The following GPATCH8 variants were observed in gnomAD, a reference collection of about 807,000 sequenced individuals.
The protein encoded by GPATCH8 is G patch domain-containing protein 8.
GPATCH8 carries 18 observed loss-of-function variants against 118.3 expected under a neutral mutation model. That is an observed-to-expected ratio of 0.15 (90% CI 0.11 to 0.23). The LOEUF (loss-of-function observed/expected upper bound fraction) is 0.23, where lower values mean the gene tolerates loss of function less well. Among genes scored for constraint, GPATCH8 ranks in the 10% least tolerant of loss-of-function variants. GPATCH8 has a pLI of 1.00. For synonymous variants in GPATCH8, 659 were observed against 684.7 expected (o/e 0.96, Z 0.59); for missense variants, 1,631 against 1,873.8 (o/e 0.87, Z 2.39).
rs1343872506 is a variant in GPATCH8, at chr17:44,395,788, C to A, written c.*1780G>T. ...TGGTTTTTCTTGTCAAGTGACCAAC[C>A]AACCAATTCTAGCCACACGAATAGT... On this transcript the variant is annotated 3_prime_UTR_variant, in exon 8 of 8. Coordinates refer to ENST00000591680, the MANE Select transcript of GPATCH8 (RefSeq NM_001002909.4). 2.2e-6 allele frequency: 1 copy of A among 453,992 alleles called. No homozygotes were observed. Among genetic ancestry groups the A allele is most frequent in the African/African-American group, 2.0e-5 (1 of 50,000 alleles). 28.1% of individuals were successfully genotyped at this position (453,992 alleles called of 1,614,324 possible).
chr17:44,413,764 C>A (rs1376965126), intron 6 of GPATCH8, among the ~76,000 whole-genome samples: 1 of 152,042 alleles, frequency 6.6e-6, no homozygotes, highest in African/African-American at 2.4e-5. Flanking sequence ...GAATTACAGG[C>A]ACGTGCCACC....
At chr17:44,421,342 A>C (rs2143867156) in intron 6 of GPATCH8, among the ~76,000 whole-genome samples, 1 of 151,700 alleles carries the variant, frequency 6.6e-6, no homozygotes, top group South Asian at 2.1e-4. Flanking sequence ...ACTCCATCTC[A>C]AGAAAAACAA....
chr17:44,442,279 T>G (rs1365270676), intron 3 of GPATCH8, among the ~76,000 whole-genome samples: 2 of 145,380 alleles, frequency 1.4e-5, no homozygotes, highest in African/African-American at 5.0e-5. Flanking sequence ...ATAGGCAAAA[T>G]AGAGTAATCT....
intron 1 of GPATCH8, 74 bp downstream of exon 1, chr17:44,503,247 AGGGCT>A: frequency 1.6e-6 from 2 of 1,280,574 alleles, no homozygotes; most frequent in Non-Finnish European, 2.2e-6. Context: ...GGAAGGAAAG[AGGGCT>A]GGGAGCCGGA....
At position 44,405,908 on chromosome 17, in the gene GPATCH8, A is replaced by T. The variant is rs377290425; in HGVS notation, c.623+13T>A. ...AATTATCTGTACAACCCTCTGATAA[A>T]AAATATCCTCACCATTCAGCTTGTT... On this transcript the variant is annotated intron_variant, in intron 7 of 7. Coordinates refer to ENST00000591680, the MANE Select transcript of GPATCH8 (RefSeq NM_001002909.4). 12 of 1,588,466 alleles carry T rather than the reference A, an allele frequency of 7.6e-6. No individual in the cohort carries two copies. The African/African-American group carries it at 1.3e-4, about 18-fold the overall frequency.
At chr17:44,437,647 C>T (rs2050556300) in intron 3 of GPATCH8, among the ~76,000 whole-genome samples, 1 of 136,558 alleles carries the variant, frequency 7.3e-6, no homozygotes, top group African/African-American at 2.4e-5. Flanking sequence ...AGGCATTACC[C>T]TCCCAACCCC....
At chr17:44,483,759 G>A (rs1283903700) in intron 1 of GPATCH8, among the ~76,000 whole-genome samples, 2 of 151,508 alleles carry the variant, frequency 1.3e-5, no homozygotes, top group South Asian at 2.1e-4. Flanking sequence ...CTTGTGCCTC[G>A]GCCTCCCAAG....
At chr17:44,488,195 T>G (rs1968941375) in intron 1 of GPATCH8, among the ~76,000 whole-genome samples, 1 of 149,576 alleles carries the variant, frequency 6.7e-6, no homozygotes, top group Admixed American at 6.7e-5. Context: ...AGTGCTGGGA[T>G]TACAGGCATG....
At position 44,397,817 on chromosome 17, in the gene GPATCH8, G is replaced by A; in HGVS notation, c.4260C>T (p.His1420=). The A allele has an allele frequency of 1.9e-6, 3 of 1,589,334 alleles. No individual in the cohort carries two copies. The highest frequency in any genetic ancestry group is 2.6e-6 in the Non-Finnish European group (3 of 1,164,988). The change falls in exon 8 of 8, where the codon CAC becomes CAT. Residue 1420 remains histidine, a synonymous_variant. Transcript: ENST00000591680. ...QPHLTPISLS[H]LTHSIIPGHP... is the part of the protein sequence containing the mutation. ...GGCCAGGGATGATTGAGTGAGTGAG[G>A]TGGGACAAAGAAATGGGGGTCAGAT... is the stretch of plus-strand genomic sequence containing the variant.
At chr17:44,474,433 C>A (rs1336044618) in intron 2 of GPATCH8, 5 of 244,272 alleles carry the variant, frequency 2.0e-5, no homozygotes, top group Non-Finnish European at 4.0e-5. Context: ...AAAAAATTTC[C>A]ATACATATTC....
At chr17:44,495,545 C>T (rs563723491) in intron 1 of GPATCH8, among the ~76,000 whole-genome samples, 58 of 152,306 alleles carry the variant, frequency 3.8e-4, no homozygotes, top group Middle Eastern at 3.4e-3. Flanking sequence ...AACAAAAACA[C>T]TTCTTAACAA....
At position 44,397,481 on chromosome 17, in the gene GPATCH8, T is replaced by C. The variant is rs1187890956; in HGVS notation, c.*87A>G. On this transcript the variant is annotated 3_prime_UTR_variant, in exon 8 of 8. Transcript: ENST00000591680. ...GTCAGACACTGCCCATCCCAGCTTC[T>C]ACTTGCTGGTATTAATGGCTCAACA... The C allele has an allele frequency of 1.1e-6, 1 of 918,238 alleles. No individual in the cohort carries two copies. The highest frequency in any genetic ancestry group is 1.8e-5 in the Admixed American group (1 of 55,458). 56.9% of individuals were successfully genotyped at this position (918,238 alleles called of 1,614,324 possible).
intron 1 of GPATCH8, chr17:44,486,310 A>G (rs909789322): frequency 6.6e-6 from 1 of 151,754 alleles, no homozygotes; most frequent in African/African-American, 2.4e-5. Flanking sequence ...CTGTTTTCAA[A>G]CTTGGGCCCA....
rs1236243105 is a variant in GPATCH8, at chr17:44,406,067, G to A, written c.493-16C>T. 6.3e-7 allele frequency: 1 copy of A among 1,585,944 alleles called. No homozygotes were observed. Among genetic ancestry groups the A allele is most frequent in the Non-Finnish European group, 8.7e-7 (1 of 1,154,654 alleles). On this transcript the variant is annotated splice_polypyrimidine_tract_variant and intron_variant, in intron 6 of 7. Coordinates refer to ENST00000591680, the MANE Select transcript of GPATCH8 (RefSeq NM_001002909.4). ...CTTTTAATCTCTGGGTTAAAAGAAA[G>A]AAAGATACAGAGGGTGGATGATTTA...
rs935847380 is a variant in GPATCH8 at position 44,398,884 on chromosome 17, A to G, written c.3193T>C (p.Ser1065Pro). Residue 1065 changes from serine (S) to proline (P), a missense_variant, in exon 8 of 8, where the codon TCC becomes CCC. Coordinates refer to ENST00000591680, the MANE Select transcript of GPATCH8 (RefSeq NM_001002909.4). ...CCTGTGCCAATGTTGCTGTTCTGGG[A>G]AGGTGGACCTGTTGCTTTACTGTCA... ...GDDSKATGPP[S>P]QNSNIGTGRG... is the part of the protein sequence containing the mutation. The G allele has an allele frequency of 2.5e-6, 4 of 1,613,934 alleles. No homozygotes were observed. In the African/African-American group the frequency reaches 5.3e-5, roughly 22 times the overall value.
intron 3 of GPATCH8, among the ~76,000 whole-genome samples, chr17:44,460,799 G>A (rs1292800769): frequency 6.6e-6 from 1 of 152,132 alleles, no homozygotes; most frequent in Non-Finnish European, 1.5e-5. Flanking sequence ...TTTTTGAATG[G>A]TTATTTATAT....
At chr17:44,458,516 A>T (rs1207770278) in intron 3 of GPATCH8, among the ~76,000 whole-genome samples, 1 of 152,130 alleles carries the variant, frequency 6.6e-6, no homozygotes, top group Non-Finnish European at 1.5e-5. Flanking sequence ...GATGAAATAT[A>T]GCCAAACTTA....
At chr17:44,412,537 C>T (rs2049482224) in intron 6 of GPATCH8, among the ~76,000 whole-genome samples, 1 of 151,946 alleles carries the variant, frequency 6.6e-6, no homozygotes, top group Admixed American at 6.5e-5. Flanking sequence ...CAGACGCATG[C>T]CACCACACCC....
At chr17:44,417,439 G>A (rs1261497276) in intron 6 of GPATCH8, among the ~76,000 whole-genome samples, 2 of 152,062 alleles carry the variant, frequency 1.3e-5, no homozygotes, top group Non-Finnish European at 2.9e-5. Context: ...GACTGGTCTC[G>A]AACTTTTGGG....
Sources: gnomAD v4.1 joint callset for allele counts (sites outside exome capture counted in the v4.1 genomes callset) on GRCh38, gnomAD v4.1.1 for gene constraint, MANE v1.5 for transcripts, NCBI Gene and HGNC (gene_info 2026-07-23, HGNC 2026-07-21) for gene names.